The following CFAP77 variants were observed in gnomAD, a reference collection of about 807,000 sequenced individuals.
The protein encoded by CFAP77 is cilia- and flagella-associated protein 77.
CFAP77 carries 25 observed loss-of-function variants against 31.1 expected under a neutral mutation model. The ratio of observed to expected loss-of-function variants is 0.80; its 90% CI spans 0.59 to 1.12. CFAP77 has a LOEUF of 1.12. Ranked by LOEUF, CFAP77 falls within the 50% of genes most tolerant of loss-of-function variation. The probability of loss-of-function intolerance (pLI) is 0.00; values close to 1 mark genes in which losing one functional copy is unlikely to be tolerated. For missense variants in CFAP77, 377 were observed against 397.3 expected (o/e 0.95, Z 0.44); for synonymous variants, 151 against 159.9 (o/e 0.94, Z 0.42).
intron 1 of CFAP77, among the ~76,000 whole-genome samples, chr9:132,454,638 G>A (rs7029029): frequency 0.046 from 6,951 of 152,262 alleles, 515 homozygotes; most frequent in African/African-American, 0.16. Flanking sequence ...ATGGAACCAC[G>A]TGGTGAATCC....
intron 5 of CFAP77, among the ~76,000 whole-genome samples, chr9:132,548,128 C>T (rs1203026949): frequency 2.0e-5 from 3 of 152,156 alleles, no homozygotes; most frequent in East Asian, 1.9e-4. Flanking sequence ...CTTATTGACA[C>T]TTTAATAACA....
intron 1 of CFAP77, among the ~76,000 whole-genome samples, chr9:132,456,113 G>T (rs1314770038): frequency 6.6e-6 from 1 of 152,150 alleles, no homozygotes; most frequent in African/African-American, 2.4e-5. Context: ...ACTATCCTAG[G>T]CTCCGTTGAA....
intron 3 of CFAP77, among the ~76,000 whole-genome samples, chr9:132,528,313 C>G (rs1852379886): frequency 7.8e-6 from 1 of 128,204 alleles, no homozygotes. Context: ...ATGTAGAAAG[C>G]TGAAACTGGA....
At chr9:132,538,816 G>C (rs375121944) in intron 4 of CFAP77, among the ~76,000 whole-genome samples, 5 of 151,380 alleles carry the variant, frequency 3.3e-5, no homozygotes, top group African/African-American at 1.2e-4. Context: ...GGCTGGGTAC[G>C]GTGGCTCACA....
intron 3 of CFAP77, among the ~76,000 whole-genome samples, chr9:132,508,606 G>A (rs1851978880): frequency 6.6e-6 from 1 of 152,086 alleles, no homozygotes; most frequent in South Asian, 2.1e-4. Context: ...GCTCTCAGAG[G>A]CTTCAGAGAA....
At chr9:132,446,742 T>TAAAA (rs1269103286) in intron 1 of CFAP77, among the ~76,000 whole-genome samples, 1 of 59,678 alleles carries the variant, frequency 1.7e-5, no homozygotes, top group Admixed American at 2.2e-4. Flanking sequence ...CTCCTCCGTC[T>TAAAA]CAAAAAAAAA....
intron 3 of CFAP77, among the ~76,000 whole-genome samples, chr9:132,528,222 C>A (rs1326726441): frequency 2.7e-5 from 3 of 109,986 alleles, no homozygotes; most frequent in Non-Finnish European, 5.8e-5. Context: ...ACTATCTGAT[C>A]TTTGACAAAC....
intron 1 of CFAP77, among the ~76,000 whole-genome samples, chr9:132,412,321 C>A (rs916008857): frequency 6.6e-6 from 1 of 152,222 alleles, no homozygotes; most frequent in Non-Finnish European, 1.5e-5. Flanking sequence ...TCTTCTTCCA[C>A]CAGGGACAGC....
intron 5 of CFAP77, among the ~76,000 whole-genome samples, chr9:132,568,528 C>T (rs1365112849): frequency 6.8e-6 from 1 of 147,038 alleles, no homozygotes; most frequent in African/African-American, 2.6e-5. Context: ...TGCACTCCAG[C>T]CTGGGCAACA....
intron 3 of CFAP77, among the ~76,000 whole-genome samples, chr9:132,534,610 C>CAA (rs201151199): frequency 8.0e-4 from 51 of 63,870 alleles, no homozygotes; most frequent in East Asian, 3.4e-3. Flanking sequence ...GACTCTGTCT[C>CAA]AAAAAAAAAA....
rs761039835 is a variant in CFAP77, at chr9:132,499,543, G to T, written c.467G>T (p.Arg156Leu). The change falls in exon 3 of 6, where the codon CGC becomes CTC. Residue 156 changes from arginine to leucine, a missense_variant. Arg to Leu is a moderately radical substitution (Grantham distance 102, BLOSUM62 -2). Transcript: ENST00000393216. The surrounding 1 kb of genome is among the most constrained non-coding windows in gnomAD (Gnocchi z 5.4). ...CGCATCAGTGACCAGGATGACCGGC[G>T]CATGAAGAAAGAGCCGCCCCCTCTC... ...DIRISDQDDR[R>L]MKKEPPPLPP... The T allele has an allele frequency of 1.2e-6, 2 of 1,614,188 alleles. No homozygotes were observed. Among genetic ancestry groups the T allele is most frequent in the South Asian group, 2.2e-5 (2 of 91,082 alleles).
chr9:132,569,728 CTTTTTTTTT>C (rs558402201), intron 5 of CFAP77, among the ~76,000 whole-genome samples: 3 of 98,476 alleles, frequency 3.0e-5, no homozygotes, highest in Admixed American at 2.5e-4. Context: ...TCTAGCTGCC[CTTTTTTTTT>C]TTTTTTTTTT....
At chr9:132,454,190 A>G (rs1226118414) in intron 1 of CFAP77, among the ~76,000 whole-genome samples, 1 of 151,934 alleles carries the variant, frequency 6.6e-6, no homozygotes, top group Non-Finnish European at 1.5e-5. Context: ...CCTATTTCCT[A>G]GTTATTACTG....
Position 132,519,204 on chromosome 9 carries a change from G to A in CFAP77, c.525-18397G>A, listed in dbSNP as rs188787898. Among the ~76,000 whole-genome samples the A allele has an allele frequency of 7.5e-3, 1,100 of 146,682 alleles. 28 individuals are homozygous for A. The highest frequency in any genetic ancestry group is 0.027 in the African/African-American group (1,053 of 39,610). On this transcript the variant is annotated intron_variant, in intron 3 of 5. Transcript: ENST00000393216. ...GGTGAATGAATGGATGGATGGATGGGTGGGTGGGTAGGTGAGTGGGTGGAT... is the reference window on the plus strand; with the variant it reads ...GGTGAATGAATGGATGGATGGATGGATGGGTGGGTAGGTGAGTGGGTGGAT...
chr9:132,561,619 A>G (rs1589927219), intron 5 of CFAP77, among the ~76,000 whole-genome samples: 1 of 110,594 alleles, frequency 9.0e-6, no homozygotes, highest in South Asian at 2.8e-4. Flanking sequence ...ACACACACAC[A>G]CACACACACA....
At chr9:132,553,436 TACAA>T (rs369252818) in intron 5 of CFAP77, among the ~76,000 whole-genome samples, 1,926 of 152,244 alleles carry the variant, frequency 0.013, 42 homozygotes, top group African/African-American at 0.039. Flanking sequence ...ACTCTGTCTC[TACAA>T]ACAAACAAAC....
At chr9:132,534,054 C>A (rs1852503522) in intron 3 of CFAP77, among the ~76,000 whole-genome samples, 1 of 152,058 alleles carries the variant, frequency 6.6e-6, no homozygotes, top group Non-Finnish European at 1.5e-5. Flanking sequence ...TCAGTGATGT[C>A]AAGATTGATA....
intron 3 of CFAP77, among the ~76,000 whole-genome samples, chr9:132,513,885 C>T (rs1377451123): frequency 6.6e-6 from 1 of 152,178 alleles, no homozygotes; most frequent in African/African-American, 2.4e-5. Context: ...TTTCTACCTC[C>T]TCTGTGTCAT....
intron 3 of CFAP77, among the ~76,000 whole-genome samples, chr9:132,514,217 G>T (rs959025089): frequency 6.7e-6 from 1 of 148,356 alleles, no homozygotes; most frequent in African/African-American, 2.5e-5. Context: ...GTGAGGGGAC[G>T]CCCCCTTCCC....
Sources: allele counts gnomAD v4.1 joint callset (sites outside exome capture counted in the v4.1 genomes callset), GRCh38; gene constraint gnomAD v4.1.1; non-coding constraint Gnocchi (gnomAD v3.1); transcripts MANE v1.5; gene names NCBI Gene and HGNC (gene_info 2026-07-23, HGNC 2026-07-21).